The following CRPPA variants were observed in gnomAD, a reference collection of about 807,000 sequenced individuals.
CRPPA encodes CDP-L-ribitol pyrophosphorylase A.
CRPPA carries 43 observed loss-of-function variants against 52.0 expected under a neutral mutation model. The ratio of observed to expected loss-of-function variants is 0.83; its 90% CI spans 0.65 to 1.07. The LOEUF is 1.07. Ranked by LOEUF, CRPPA falls within the 50% of genes least tolerant of loss-of-function variation. The pLI is 0.00. For synonymous variants in CRPPA, 250 were observed against 203.5 expected (o/e 1.23, Z -1.94); for missense variants, 629 against 551.7 (o/e 1.14, Z -1.40).
At chr7:16,398,809 A>C (rs6461249) in intron 2 of CRPPA, among the ~76,000 whole-genome samples, 76,042 of 152,122 alleles carry the variant, frequency 0.5, 20,607 homozygotes, top group African/African-American at 0.71. Context: ...ACATGATTGA[A>C]ACGTGACCAA....
Position 16,200,300 on chromosome 7 carries a change from T to G in CRPPA, c.1251+15766A>C, listed in dbSNP as rs73291426. Among the ~76,000 whole-genome samples the G allele has an allele frequency of 9.7e-3, 1,473 of 152,320 alleles. 31 individuals are homozygous for G. Among genetic ancestry groups the G allele is most frequent in the African/African-American group, 0.033 (1,366 of 41,578 alleles). ...TACATACTAAGTGACTTAGTCTTCA[T>G]CAAAGTGATTCCATTGGAAAACATT... On this transcript the variant is annotated intron_variant, in intron 9 of 9. Coordinates refer to ENST00000407010, the MANE Select transcript of CRPPA (RefSeq NM_001101426.4).
intron 9 of CRPPA, among the ~76,000 whole-genome samples, chr7:16,102,931 T>A (rs1308900810): frequency 1.3e-5 from 2 of 152,172 alleles, no homozygotes; most frequent in African/African-American, 4.8e-5. Flanking sequence ...GAAATACCAT[T>A]TGACCCAGGA....
intron 6 of CRPPA, among the ~76,000 whole-genome samples, chr7:16,265,331 C>T (rs967946122): frequency 4.6e-5 from 7 of 152,208 alleles, no homozygotes; most frequent in African/African-American, 1.4e-4. Context: ...GGTTCTGAGA[C>T]ATTGCACTGC....
chr7:16,268,822 C>G (rs1348532968), intron 6 of CRPPA: 1 of 152,148 alleles, frequency 6.6e-6, no homozygotes, highest in Non-Finnish European at 1.5e-5. Context: ...CTCTGCAGTG[C>G]TCATTTCTGC....
At chr7:16,401,995 G>C (rs1480615567) in intron 2 of CRPPA, among the ~76,000 whole-genome samples, 1 of 152,184 alleles carries the variant, frequency 6.6e-6, no homozygotes, top group African/African-American at 2.4e-5. Flanking sequence ...GATGCTTTCA[G>C]TTAACAAGAG....
chr7:16,238,011 T>C (rs1413828559), intron 8 of CRPPA, among the ~76,000 whole-genome samples: 3 of 152,148 alleles, frequency 2.0e-5, no homozygotes, highest in Non-Finnish European at 4.4e-5. Flanking sequence ...TCTCAAACCT[T>C]AGATGGTAGA....
At position 16,421,303 on chromosome 7, in the gene CRPPA, C is replaced by G; in HGVS notation, c.20G>C (p.Gly7Ala). 2.4e-6 allele frequency: 3 copies of G among 1,262,122 alleles called. No individual in the cohort carries two copies. Among genetic ancestry groups the G allele is most frequent in the Non-Finnish European group, 3.0e-6 (3 of 999,296 alleles). 78.2% of individuals were successfully genotyped at this position (1,262,122 alleles called of 1,614,324 possible). A position where few individuals can be genotyped will look rare whatever the true frequency, so the allele number is the denominator to read the frequency against. ...ACCCGGCTCCGCCGGCCTGGCGCTG[C>G]CCGGCGGCCCGGCCTCCATGGCTGC... MEAGPPGSARPAEPGPC... is the reference protein window; with the variant it reads MEAGPPASARPAEPGPC... Residue 7 changes from glycine (G) to alanine (A), a missense_variant, in exon 1 of 10, where the codon GGC becomes GCC. Transcript: ENST00000407010.
intron 9 of CRPPA, among the ~76,000 whole-genome samples, chr7:16,165,782 T>C (rs563299469): frequency 1.3e-5 from 2 of 152,210 alleles, no homozygotes; most frequent in African/African-American, 4.8e-5. Context: ...CACCCAAATA[T>C]TATAAAAAGG....
At chr7:16,297,674 G>C (rs993007423) in intron 5 of CRPPA, among the ~76,000 whole-genome samples, 1 of 152,140 alleles carries the variant, frequency 6.6e-6, no homozygotes, top group Non-Finnish European at 1.5e-5. Flanking sequence ...ATATAAATTT[G>C]CAGGCAAAAT....
intron 8 of CRPPA, among the ~76,000 whole-genome samples, chr7:16,231,809 A>T (rs541694541): frequency 2.2e-4 from 33 of 152,324 alleles, no homozygotes; most frequent in African/African-American, 7.2e-4. Context: ...AAACTATATA[A>T]AACAATGTTT....
At chr7:16,224,888 T>C (rs968268825) in intron 8 of CRPPA, among the ~76,000 whole-genome samples, 1 of 152,156 alleles carries the variant, frequency 6.6e-6, no homozygotes, top group African/African-American at 2.4e-5. Context: ...CACTTCATTG[T>C]AGAACAAAAT....
At position 16,397,416 on chromosome 7, in the gene CRPPA, C is replaced by T. The variant is rs550156357; in HGVS notation, c.534+8645G>A. ...TGTGACAACTGACACGTAATGGACA[C>T]GTGACTGACACGTGTAACGTGTGAT... On this transcript the variant is annotated intron_variant, in intron 2 of 9. Coordinates refer to ENST00000407010, the MANE Select transcript of CRPPA (RefSeq NM_001101426.4). Among the ~76,000 whole-genome samples, 3 of 152,248 alleles carry T rather than the reference C, an allele frequency of 2.0e-5. No homozygotes were observed. In the East Asian group the frequency reaches 5.8e-4, roughly 30 times the overall value.
At chr7:16,306,221 C>G (rs947298693) in intron 4 of CRPPA, among the ~76,000 whole-genome samples, 2 of 152,216 alleles carry the variant, frequency 1.3e-5, no homozygotes, top group African/African-American at 4.8e-5. Flanking sequence ...AGGTCACATT[C>G]ACAGGTGCCA....
At chr7:16,136,573 G>A (rs756741819) in intron 9 of CRPPA, among the ~76,000 whole-genome samples, 3 of 152,158 alleles carry the variant, frequency 2.0e-5, no homozygotes, top group Non-Finnish European at 4.4e-5. Flanking sequence ...CTGAAACAGA[G>A]TTACAATACA....
intron 3 of CRPPA, among the ~76,000 whole-genome samples, chr7:16,333,523 TA>T (rs1489016805): frequency 1.3e-5 from 2 of 152,190 alleles, no homozygotes; most frequent in African/African-American, 4.8e-5. Context: ...CAGAACTTAG[TA>T]AAGTTTCTGG....
chr7:16,357,421 C>A (rs1321224293), intron 3 of CRPPA, among the ~76,000 whole-genome samples: 2 of 152,146 alleles, frequency 1.3e-5, no homozygotes, highest in Admixed American at 1.3e-4. Context: ...CTCAAGTGAT[C>A]TGCCCTTCTT....
chr7:16,166,106 C>T (rs911175623), intron 9 of CRPPA, among the ~76,000 whole-genome samples: 3 of 152,158 alleles, frequency 2.0e-5, no homozygotes, highest in East Asian at 3.9e-4. Flanking sequence ...CAAAGTCAAA[C>T]CTGTGAGGGT....
intron 9 of CRPPA, among the ~76,000 whole-genome samples, chr7:16,155,691 A>C (rs1783164878): frequency 6.6e-6 from 1 of 152,162 alleles, no homozygotes; most frequent in South Asian, 2.1e-4. Context: ...CCATTAATAG[A>C]CTGTTTGTGT....
At chr7:16,108,978 G>A (rs1047145462) in intron 9 of CRPPA, among the ~76,000 whole-genome samples, 15 of 151,194 alleles carry the variant, frequency 9.9e-5, no homozygotes, top group African/African-American at 3.6e-4. Flanking sequence ...ATCAAAAAAA[G>A]AAAAAAACAT....
Sources: gnomAD v4.1 joint callset for allele counts (sites outside exome capture counted in the v4.1 genomes callset) on GRCh38, gnomAD v4.1.1 for gene constraint, MANE v1.5 for transcripts, NCBI Gene and HGNC (gene_info 2026-07-23, HGNC 2026-07-21) for gene names.